MACROH2A2: variants seen among roughly 807,000 people sequenced by gnomAD.
The protein encoded by MACROH2A2 is macroH2A.2 histone.
Under a neutral mutation model 37.6 loss-of-function variants are expected in MACROH2A2, and 6 were observed. The observed-to-expected ratio is 0.16, with a 90% CI of 0.09 to 0.32. MACROH2A2 has a LOEUF of 0.32. MACROH2A2 is among the 10% of genes least tolerant of loss of function. MACROH2A2 has a pLI of 1.00. For missense variants in MACROH2A2, 290 were observed against 485.9 expected, an observed-to-expected ratio of 0.60 and a Z score of 3.79; for synonymous variants, 192 against 202.7, an observed-to-expected ratio of 0.95 and a Z score of 0.45.
At chr10:70,095,082 G>A (rs2072266601) in intron 5 of MACROH2A2, among the ~76,000 whole-genome samples, 1 of 152,180 alleles carries the variant, frequency 6.6e-6, no homozygotes. Flanking sequence ...AAAGAAAGGA[G>A]AGGGGGCCAG....
intron 7 of MACROH2A2, among the ~76,000 whole-genome samples, chr10:70,108,238 TAAAAG>T (rs2072349551): frequency 6.6e-6 from 1 of 151,840 alleles, no homozygotes; most frequent in East Asian, 1.9e-4. Context: ...AAAATAAAAA[TAAAAG>T]CCACTGTATT....
At chr10:70,089,271 C>A (rs1449765697) in intron 2 of MACROH2A2, among the ~76,000 whole-genome samples, 1 of 152,218 alleles carries the variant, frequency 6.6e-6, no homozygotes, top group Non-Finnish European at 1.5e-5. Context: ...CTTCTATAGA[C>A]AGTGGCTTCA....
Position 70,060,144 on chromosome 10 carries a change from C to T in MACROH2A2, c.-60+7144C>T, listed in dbSNP as rs137926049. On this transcript the variant is annotated intron_variant, in intron 1 of 8. Coordinates refer to ENST00000373255, the MANE Select transcript of MACROH2A2 (RefSeq NM_018649.3). ...CAGCAGTTTGGGAGGCTGAGGTGGG[C>T]GGATCACTTGAGGTCAGGAGTTGGA... Among the ~76,000 whole-genome samples the T allele has an allele frequency of 7.1e-3, 1,084 of 151,984 alleles. 21 individuals are homozygous for T. Among genetic ancestry groups the T allele is most frequent in the African/African-American group, 0.025 (1,029 of 41,448 alleles).
chr10:70,096,855 A>C, intron 6 of MACROH2A2, among the ~76,000 whole-genome samples: 1 of 152,104 alleles, frequency 6.6e-6, no homozygotes, highest in African/African-American at 2.4e-5. Flanking sequence ...GCTGAAAAGG[A>C]GATAGGACAG....
chr10:70,093,337 G>A (rs1426540295), intron 4 of MACROH2A2, among the ~76,000 whole-genome samples: 1 of 152,184 alleles, frequency 6.6e-6, no homozygotes, highest in Non-Finnish European at 1.5e-5. Flanking sequence ...AGAAGTTGTG[G>A]ATGTTTCATT....
intron 6 of MACROH2A2, among the ~76,000 whole-genome samples, chr10:70,096,711 G>A (rs1283931783): frequency 6.6e-6 from 1 of 152,224 alleles, no homozygotes; most frequent in Non-Finnish European, 1.5e-5. Context: ...TTTGTCTCTA[G>A]GGTACAGGGC....
At chr10:70,097,505 C>CT (rs1180826620) in intron 6 of MACROH2A2, among the ~76,000 whole-genome samples, 1 of 152,140 alleles carries the variant, frequency 6.6e-6, no homozygotes, top group Non-Finnish European at 1.5e-5. Flanking sequence ...CTGTCTTACT[C>CT]TTTTCAAAAC....
At position 70,100,232 on chromosome 10, in the gene MACROH2A2, GA is replaced by G; in HGVS notation, c.717del (p.Glu240SerfsTer6). On this transcript the variant is annotated frameshift_variant, in exon 7 of 9. Transcript: ENST00000373255. LOFTEE classifies it high-confidence loss of function. ...DIGKALEKAGGKEFLETVKEL... is the reference protein window; with the variant it reads ...DIGKALEKAGXKEFLETVKEL... ...GGTAAAGCCTTGGAAAAGGCTGGGGGAAAAGAGTTCTTGGAAACGGTAAAGG... is the reference window on the plus strand; with the variant it reads ...GGTAAAGCCTTGGAAAAGGCTGGGGGAAAGAGTTCTTGGAAACGGTAAAGG... The G allele has an allele frequency of 6.2e-7, 1 of 1,609,084 alleles. No individual in the cohort carries two copies. The highest frequency in any genetic ancestry group is 8.5e-7 in the Non-Finnish European group (1 of 1,175,754).
intron 7 of MACROH2A2, among the ~76,000 whole-genome samples, chr10:70,102,408 A>C (rs1466481643): frequency 6.6e-6 from 1 of 152,184 alleles, no homozygotes; most frequent in African/African-American, 2.4e-5. Context: ...GGGGCTGTCC[A>C]GATTAGACTT....
At position 70,075,899 on chromosome 10, in the gene MACROH2A2, G is replaced by C. The variant is rs1239664494; in HGVS notation, c.172+69G>C. On this transcript the variant is annotated intron_variant, in intron 2 of 8. Coordinates refer to ENST00000373255, the MANE Select transcript of MACROH2A2 (RefSeq NM_018649.3). The surrounding 1 kb of genome is among the most constrained non-coding windows in gnomAD (Gnocchi z 5.0). The stretch of plus-strand genomic sequence containing the variant: ...ACCCTCCCCTGGGTCCCCCTCGCAG[G>C]CTGGGGAGGGATGCTCCAAATTGCC... The C allele has an allele frequency of 5.9e-6, 8 of 1,344,550 alleles. No individual in the cohort carries two copies. Among genetic ancestry groups the C allele is most frequent in the East Asian group, 2.4e-5 (1 of 41,022 alleles). The allele number at this position is 1,344,550 out of a possible 1,614,324, so 83.3% of individuals were successfully genotyped here.
chr10:70,054,878 T>G (rs1198684487), intron 1 of MACROH2A2, among the ~76,000 whole-genome samples: 1 of 152,222 alleles, frequency 6.6e-6, no homozygotes, highest in Non-Finnish European at 1.5e-5. Context: ...CCAGTTCTCC[T>G]CTTCTCTGGT....
intron 1 of MACROH2A2, among the ~76,000 whole-genome samples, chr10:70,072,215 TTTA>T (rs1300838406): frequency 4.6e-5 from 7 of 152,056 alleles, no homozygotes; most frequent in East Asian, 1.9e-4. Context: ...CTTTTTTTAT[TTTA>T]TTATTATTAT....
intron 2 of MACROH2A2, among the ~76,000 whole-genome samples, chr10:70,086,666 G>A (rs372427510): frequency 2.7e-4 from 41 of 152,252 alleles, no homozygotes; most frequent in South Asian, 2.3e-3. Context: ...CTAAATGCAG[G>A]TAACAGGAGA....
chr10:70,081,286 A>G (rs1012870666), intron 2 of MACROH2A2, among the ~76,000 whole-genome samples: 1 of 152,118 alleles, frequency 6.6e-6, no homozygotes, highest in Non-Finnish European at 1.5e-5. Flanking sequence ...AACTCCATCC[A>G]TGTGGCTATT....
chr10:70,068,106 C>CT lies in MACROH2A2; in HGVS notation c.-59-7483dup, dbSNP rs970399235. The stretch of plus-strand genomic sequence containing the variant: ...TTTTATACATTTTGATTCCTTTTTG[C>CT]TTTTTTTTTTTACTATGTGCAAATA... On this transcript the variant is annotated intron_variant, in intron 1 of 8. Coordinates refer to ENST00000373255, the MANE Select transcript of MACROH2A2 (RefSeq NM_018649.3). 3.2e-3 allele frequency among the ~76,000 whole-genome samples: 468 copies of CT among 144,386 alleles called. 2 individuals carry two copies. Among genetic ancestry groups the CT allele is most frequent in the African/African-American group, 9.6e-3 (377 of 39,394 alleles). 94.7% of individuals were successfully genotyped at this position (144,386 alleles called of 152,430 possible).
At chr10:70,068,323 G>A (rs1180625993) in intron 1 of MACROH2A2, among the ~76,000 whole-genome samples, 1 of 152,118 alleles carries the variant, frequency 6.6e-6, no homozygotes, top group Non-Finnish European at 1.5e-5. Context: ...TACCACTAGG[G>A]CAGAGGAAAT....
In MACROH2A2 at chr10:70,075,923, C is replaced by T; in HGVS notation, c.172+93C>T. ...GGCTGGGGAGGGATGCTCCAAATTG[C>T]CTTTTGGCTGGCTCAAGGCTACTGT... On this transcript the variant is annotated intron_variant, in intron 2 of 8. Transcript: ENST00000373255. The surrounding 1 kb of genome is among the most constrained non-coding windows in gnomAD (Gnocchi z 5.0). 3.6e-6 allele frequency: 4 copies of T among 1,105,626 alleles called. No individual in the cohort carries two copies. The highest frequency in any genetic ancestry group is 5.2e-6 in the Non-Finnish European group (4 of 763,434). The allele number at this position is 1,105,626 out of a possible 1,614,324, so 68.5% of individuals were successfully genotyped here. A position where few individuals can be genotyped will look rare whatever the true frequency, so the allele number is the denominator to read the frequency against.
intron 1 of MACROH2A2, among the ~76,000 whole-genome samples, chr10:70,069,284 C>T (rs1189105389): frequency 1.3e-5 from 2 of 152,224 alleles, no homozygotes; most frequent in African/African-American, 4.8e-5. Flanking sequence ...CGTTGCTGTG[C>T]TCCTGGGGGT....
chr10:70,085,090 C>T (rs753190381), intron 2 of MACROH2A2, among the ~76,000 whole-genome samples: 21 of 152,082 alleles, frequency 1.4e-4, no homozygotes, highest in Non-Finnish European at 2.6e-4. Flanking sequence ...ATTGATGAGG[C>T]TGGATGGACC....
Sources: allele counts gnomAD v4.1 joint callset (sites outside exome capture counted in the v4.1 genomes callset), GRCh38; gene constraint gnomAD v4.1.1; non-coding constraint Gnocchi (gnomAD v3.1); transcripts MANE v1.5; gene names NCBI Gene and HGNC (gene_info 2026-07-23, HGNC 2026-07-21).